Variants in SEMA5A observed in about 807,000 individuals in gnomAD.
SEMA5A encodes semaphorin-5A.
In SEMA5A, 55 loss-of-function variants were observed where a neutral mutation model predicts 135.5. The observed-to-expected ratio is 0.41, with a 90% CI of 0.33 to 0.51. The LOEUF is 0.51. Among genes scored for constraint, SEMA5A ranks in the 20% least tolerant of loss-of-function variants. SEMA5A has a pLI of 0.37. For synonymous variants in SEMA5A, 580 were observed against 546.5 expected, an observed-to-expected ratio of 1.06 and a Z score of -0.85; for missense variants, 1,290 against 1,419.9, an observed-to-expected ratio of 0.91 and a Z score of 1.47.
intron 16 of SEMA5A, among the ~76,000 whole-genome samples, chr5:9,093,449 C>T (rs1261295677): frequency 6.6e-6 from 1 of 152,186 alleles, no homozygotes; most frequent in East Asian, 1.9e-4. Flanking sequence ...TAGCTCATGC[C>T]TATAATCCCA....
chr5:9,053,471 C>G (rs1432252303), intron 19 of SEMA5A, among the ~76,000 whole-genome samples: 1 of 152,200 alleles, frequency 6.6e-6, no homozygotes, highest in Non-Finnish European at 1.5e-5. Flanking sequence ...TGCACTACCT[C>G]TAAATTACAG....
Position 9,352,547 on chromosome 5 carries a change from G to A in SEMA5A, c.125-14735C>T, listed in dbSNP as rs1299437618. ...TTACAGGCATGAGCCACCATACCTGGCCCAATTTGATATACCTTGACTAGT... is the reference window on the plus strand; with the variant it reads ...TTACAGGCATGAGCCACCATACCTGACCCAATTTGATATACCTTGACTAGT... On this transcript the variant is annotated intron_variant, in intron 3 of 22. Transcript: ENST00000382496. Among the ~76,000 whole-genome samples, 4 of 152,154 alleles carry A rather than the reference G, an allele frequency of 2.6e-5. No individual in the cohort carries two copies. The East Asian group carries it at 7.7e-4, about 29-fold the overall frequency.
At chr5:9,480,196 T>C (rs1490367219) in intron 1 of SEMA5A, among the ~76,000 whole-genome samples, 1 of 152,134 alleles carries the variant, frequency 6.6e-6, no homozygotes, top group Non-Finnish European at 1.5e-5. Context: ...AGATGTCCCC[T>C]GAGGGCAAAA....
At chr5:9,530,557 G>A (rs76926756) in intron 1 of SEMA5A, among the ~76,000 whole-genome samples, 11,895 of 152,042 alleles carry the variant, frequency 0.078, 519 homozygotes, top group South Asian at 0.14. Context: ...TACATAAAAG[G>A]ACAAAAGGAA....
chr5:9,545,305 C>T lies in SEMA5A; in HGVS notation c.-175+279G>A, dbSNP rs1308697898. Among the ~76,000 whole-genome samples the T allele has an allele frequency of 6.6e-6, 1 of 152,136 alleles. No homozygotes were observed. The highest frequency in any genetic ancestry group is 2.4e-5 in the African/African-American group (1 of 41,426). On this transcript the variant is annotated intron_variant, in intron 1 of 22. Coordinates refer to ENST00000382496, the MANE Select transcript of SEMA5A (RefSeq NM_003966.3). The surrounding 1 kb of genome is among the most constrained non-coding windows in gnomAD (Gnocchi z 4.5). The stretch of plus-strand genomic sequence containing the variant: ...TCCCGTCTCGCCCACCGCGACACTC[C>T]GGCTCCTTACCTCTCCATGCTCAGA...
At chr5:9,275,459 G>T (rs1215123990) in intron 5 of SEMA5A, among the ~76,000 whole-genome samples, 3 of 151,994 alleles carry the variant, frequency 2.0e-5, no homozygotes, top group Non-Finnish European at 1.5e-5. Flanking sequence ...AGAAAAAGAG[G>T]GAATCCTCCC....
At chr5:9,193,039 A>G (rs1355156036) in intron 10 of SEMA5A, among the ~76,000 whole-genome samples, 1 of 152,174 alleles carries the variant, frequency 6.6e-6, no homozygotes, top group Admixed American at 6.5e-5. Context: ...TATCGCCTGT[A>G]TCAATCTTAT....
intron 16 of SEMA5A, among the ~76,000 whole-genome samples, chr5:9,068,981 G>A: frequency 6.6e-6 from 1 of 152,226 alleles, no homozygotes; most frequent in Non-Finnish European, 1.5e-5. Context: ...CATGAAGGAT[G>A]TGCTCAGGTC....
rs538739104 is a variant in SEMA5A at position 9,441,250 on chromosome 5, G to T, written c.-174-3398C>A. Among the ~76,000 whole-genome samples, 8 of 152,320 alleles carry T rather than the reference G, an allele frequency of 5.3e-5. No individual in the cohort carries two copies. The South Asian group carries it at 1.0e-3, about 20-fold the overall frequency. On this transcript the variant is annotated intron_variant, in intron 1 of 22. Transcript: ENST00000382496. ...TGGAGGAAAGAGAAGTTACTTATGGGCAGAAGAGTCAAGGAAAAGATTTCT... is the reference window on the plus strand; with the variant it reads ...TGGAGGAAAGAGAAGTTACTTATGGTCAGAAGAGTCAAGGAAAAGATTTCT...
intron 16 of SEMA5A, among the ~76,000 whole-genome samples, chr5:9,088,314 A>AAAAAAG (rs1738821959): frequency 6.6e-6 from 1 of 150,846 alleles, no homozygotes; most frequent in Admixed American, 6.6e-5. Flanking sequence ...AAAAAAAAAA[A>AAAAAAG]AAAAGAAAAG....
intron 16 of SEMA5A, among the ~76,000 whole-genome samples, chr5:9,067,625 CCT>C (rs1465181402): frequency 2.0e-5 from 3 of 152,130 alleles, no homozygotes; most frequent in Non-Finnish European, 4.4e-5. Context: ...CATTCCTCCA[CCT>C]CTTTCAGTTG....
intron 2 of SEMA5A, among the ~76,000 whole-genome samples, chr5:9,423,168 C>A (rs1375573574): frequency 3.3e-5 from 5 of 152,180 alleles, no homozygotes; most frequent in Non-Finnish European, 7.3e-5. Flanking sequence ...ACGCAGAAGG[C>A]TGACTTCCGA....
chr5:9,405,674 G>A (rs548359099), intron 2 of SEMA5A, among the ~76,000 whole-genome samples: 19 of 152,282 alleles, frequency 1.2e-4, no homozygotes, highest in African/African-American at 2.6e-4. Context: ...GAGCTAATAC[G>A]TACAAAAGGT....
chr5:9,339,035 G>A (rs1478965990), intron 3 of SEMA5A, among the ~76,000 whole-genome samples: 1 of 152,086 alleles, frequency 6.6e-6, no homozygotes, highest in Non-Finnish European at 1.5e-5. Flanking sequence ...GACTTGTAAT[G>A]TATATGATAG....
chr5:9,254,676 A>G (rs1269120639), intron 5 of SEMA5A, among the ~76,000 whole-genome samples: 5 of 152,066 alleles, frequency 3.3e-5, no homozygotes, highest in Non-Finnish European at 5.9e-5. Flanking sequence ...GCCATAGTTT[A>G]CATATATTAA....
intron 8 of SEMA5A, among the ~76,000 whole-genome samples, chr5:9,203,940 C>T (rs1283054153): frequency 6.7e-6 from 1 of 150,334 alleles, no homozygotes; most frequent in East Asian, 2.0e-4. Context: ...ATATCTGTAA[C>T]TTGTGTTTTT....
intron 11 of SEMA5A, among the ~76,000 whole-genome samples, chr5:9,159,277 C>T (rs1743119364): frequency 6.6e-6 from 1 of 152,182 alleles, no homozygotes; most frequent in East Asian, 1.9e-4. Flanking sequence ...TAACAATGGA[C>T]TCCACAGTGA....
chr5:9,386,793 C>A (rs1283883472), intron 2 of SEMA5A, among the ~76,000 whole-genome samples: 5 of 152,198 alleles, frequency 3.3e-5, no homozygotes, highest in Non-Finnish European at 1.5e-5. Context: ...AGTCCCAATG[C>A]CAAGTGTATG....
At chr5:9,067,035 T>A (rs1443930201) in intron 16 of SEMA5A, among the ~76,000 whole-genome samples, 3 of 152,204 alleles carry the variant, frequency 2.0e-5, no homozygotes, top group Non-Finnish European at 4.4e-5. Context: ...AACCTCACAA[T>A]ATTCAGTTTG....
Sources: allele counts gnomAD v4.1 joint callset (sites outside exome capture counted in the v4.1 genomes callset), GRCh38; gene constraint gnomAD v4.1.1; non-coding constraint Gnocchi (gnomAD v3.1); transcripts MANE v1.5; gene names NCBI Gene and HGNC (gene_info 2026-07-23, HGNC 2026-07-21).